DNAH5: variants seen among roughly 807,000 people sequenced by gnomAD.
DNAH5 encodes the protein axonemal beta dynein heavy chain 5.
In DNAH5, 372 loss-of-function variants were observed where a neutral mutation model predicts 518.2. The observed-to-expected ratio is 0.72, with a 90% CI of 0.66 to 0.78. The LOEUF is 0.78. Among genes scored for constraint, DNAH5 ranks in the 30% least tolerant of loss-of-function variants. The probability of loss-of-function intolerance (pLI) is 0.00; values close to 1 mark genes in which losing one functional copy is unlikely to be tolerated. For synonymous variants in DNAH5, 2,039 were observed against 2,025.9 expected (o/e 1.01, Z -0.17); for missense variants, 5,523 against 5,687.0 (o/e 0.97, Z 0.93).
intron 1 of DNAH5, among the ~76,000 whole-genome samples, chr5:13,963,273 A>G (rs1376547721): frequency 6.6e-6 from 1 of 152,144 alleles, no homozygotes; most frequent in East Asian, 1.9e-4. Context: ...AAATCATTAC[A>G]TTCCTTAAAA....
chr5:13,717,571 T>C, intron 72 of DNAH5, 51 bp from the exon 73 acceptor site: 1 of 1,384,628 alleles, frequency 7.2e-7, no homozygotes, highest in Non-Finnish European at 1.0e-6. Flanking sequence ...ATGTCTTTAT[T>C]TTCTACTACT....
intron 68 of DNAH5, among the ~76,000 whole-genome samples, chr5:13,734,067 A>T (rs1746996874): frequency 6.6e-6 from 1 of 152,132 alleles, no homozygotes; most frequent in South Asian, 2.1e-4. Context: ...AGGTGAGGCC[A>T]TTGAGACATA....
rs148876125 is a variant in DNAH5 at position 13,741,419 on chromosome 5, G to C, written c.11212-3924C>G. ...AGATGTAGCAACTCAAGCAAAACTT[G>C]CTCTTATCATCTTTGTTTCCATCTG... On this transcript the variant is annotated intron_variant, in intron 65 of 78. Coordinates refer to ENST00000265104, the MANE Select transcript of DNAH5 (RefSeq NM_001369.3). Among the ~76,000 whole-genome samples the C allele has an allele frequency of 5.8e-3, 886 of 152,184 alleles. 7 individuals carry two copies. The highest frequency in any genetic ancestry group is 0.02 in the African/African-American group (836 of 41,512).
intron 1 of DNAH5, among the ~76,000 whole-genome samples, chr5:13,954,100 T>C (rs1780609290): frequency 6.6e-6 from 1 of 152,226 alleles, no homozygotes; most frequent in South Asian, 2.1e-4. Context: ...GAAAAGTAAG[T>C]CCATATTTTA....
chr5:13,796,043 C>T (rs1087776), intron 47 of DNAH5, among the ~76,000 whole-genome samples: 56,885 of 152,016 alleles, frequency 0.37, 10,824 homozygotes, highest in Middle Eastern at 0.47. Flanking sequence ...ATTGATGGAA[C>T]GTATCTCAAA....
rs981267400 is a variant in DNAH5, at chr5:13,871,562, A to G, written c.3598+2T>C. On this transcript the variant is annotated splice_donor_variant, in intron 23 of 78. Coordinates refer to ENST00000265104, the MANE Select transcript of DNAH5 (RefSeq NM_001369.3). LOFTEE classifies it high-confidence loss of function. The stretch of plus-strand genomic sequence containing the variant: ...TAACTATATGAAAGAAAATGAACCA[A>G]CCTGTGTACAGAGCAATGGAACCCA... The G allele has an allele frequency of 3.1e-5, 50 of 1,611,722 alleles. No homozygotes were observed. Among genetic ancestry groups the G allele is most frequent in the Non-Finnish European group, 4.0e-5 (47 of 1,177,958 alleles).
intron 59 of DNAH5, 88 bp from the exon 60 acceptor site, chr5:13,762,989 T>G: frequency 8.9e-7 from 1 of 1,120,830 alleles, no homozygotes; most frequent in Non-Finnish European, 1.3e-6. Flanking sequence ...CTGAAACTAC[T>G]GAACGACCAC....
chr5:13,762,006 T>C (rs1057471965), intron 60 of DNAH5, among the ~76,000 whole-genome samples: 6 of 152,222 alleles, frequency 3.9e-5, no homozygotes, highest in Admixed American at 6.5e-5. Context: ...TTAAGAGAGA[T>C]GAGACTCATA....
chr5:13,823,844 C>T (rs1458546537), intron 39 of DNAH5, among the ~76,000 whole-genome samples: 1 of 152,198 alleles, frequency 6.6e-6, no homozygotes, highest in African/African-American at 2.4e-5. Context: ...TAGTGTGAAA[C>T]TATCACACAC....
chr5:13,931,369 G>T, intron 1 of DNAH5, 125 bp from the exon 2 acceptor site: 2 of 1,032,636 alleles, frequency 1.9e-6, no homozygotes, highest in Non-Finnish European at 2.9e-6. Flanking sequence ...CAGCTTAATG[G>T]TACCAATTTT....
intron 1 of DNAH5, among the ~76,000 whole-genome samples, chr5:14,009,725 C>A (rs1010221748): frequency 3.9e-5 from 6 of 152,206 alleles, no homozygotes; most frequent in Non-Finnish European, 7.3e-5. Context: ...TTACCACCTT[C>A]CACCATACTT....
chr5:13,862,645 T>C lies in DNAH5; in HGVS notation c.4699A>G (p.Thr1567Ala). Reference sequence around the variant, plus strand: ...CCTCTCAAGAGGAGCTCTCCACGGGTTTTAAAGCTGCCGAAGGTGAATGTT... The same window carrying C: ...CCTCTCAAGAGGAGCTCTCCACGGGCTTTAAAGCTGCCGAAGGTGAATGTT... ...NKTFTFGSFK[T>A]RGELLLRGDS... The change falls in exon 29 of 79, where the codon ACC (threonine) becomes GCC (alanine). Residue 1567 changes from threonine (T) to alanine (A), a missense_variant. Physicochemically the swap from Thr to Ala is moderately conservative, Grantham distance 58. Coordinates refer to ENST00000265104, the MANE Select transcript of DNAH5 (RefSeq NM_001369.3). 1 of 1,613,928 alleles carries C rather than the reference T, an allele frequency of 6.2e-7. No homozygotes were observed. The highest frequency in any genetic ancestry group is 8.5e-7 in the Non-Finnish European group (1 of 1,179,930).
rs886580541 is a variant in DNAH5 at position 14,000,341 on chromosome 5, G to A, written c.12+11307C>T. Among the ~76,000 whole-genome samples, 7 of 152,330 alleles carry A rather than the reference G, an allele frequency of 4.6e-5. No individual in the cohort carries two copies. The South Asian group carries it at 8.3e-4, about 18-fold the overall frequency. ...GGAGCAAGGCCCGGAAAAAGCCTTCGGAGTGAGCACGGCCCTTGCCAACAC... is the reference window on the plus strand; with the variant it reads ...GGAGCAAGGCCCGGAAAAAGCCTTCAGAGTGAGCACGGCCCTTGCCAACAC... On this transcript the variant is annotated intron_variant, in intron 1 of 78. Coordinates refer to the DNAH5 transcript ENST00000681290.
intron 3 of DNAH5, among the ~76,000 whole-genome samples, chr5:13,924,222 T>G (rs1284157032): frequency 6.6e-6 from 1 of 152,174 alleles, no homozygotes; most frequent in Non-Finnish European, 1.5e-5. Flanking sequence ...ACTGCTGCAG[T>G]CAGGGTCTTG....
chr5:13,820,587 G>A, intron 40 of DNAH5, 88 bp from the exon 41 acceptor site: 1 of 1,454,104 alleles, frequency 6.9e-7, no homozygotes, highest in Non-Finnish European at 9.5e-7. Flanking sequence ...CAATTTGGGA[G>A]GCCGAGGCGG....
Position 13,811,770 on chromosome 5 carries a change from G to A in DNAH5, c.7284C>T (p.Tyr2428=), listed in dbSNP as rs1448008542. The A allele has an allele frequency of 1.2e-6, 2 of 1,614,128 alleles. No individual in the cohort carries two copies. The highest frequency in any genetic ancestry group is 2.2e-5 in the East Asian group (1 of 44,866). Residue 2428 remains tyrosine, a synonymous_variant, in exon 44 of 79, where the codon TAC becomes TAT. Coordinates refer to ENST00000265104, the MANE Select transcript of DNAH5 (RefSeq NM_001369.3). ...GATACAAGTCTGGGAAAGACTCGGTGTACAGCTGACGAAGAATTTCTGCTT... is the reference window on the plus strand; with the variant it reads ...GATACAAGTCTGGGAAAGACTCGGTATACAGCTGACGAAGAATTTCTGCTT... ...PQEAEILRQL[Y]TESFPDLYRF...
At chr5:14,007,626 G>T (rs1328976478) in intron 1 of DNAH5, among the ~76,000 whole-genome samples, 2 of 152,170 alleles carry the variant, frequency 1.3e-5, no homozygotes, top group African/African-American at 2.4e-5. Context: ...ATAAGCTTTG[G>T]ACAGATTCCT....
At chr5:13,893,960 A>G (rs1394083749) in intron 16 of DNAH5, among the ~76,000 whole-genome samples, 1 of 151,744 alleles carries the variant, frequency 6.6e-6, no homozygotes, top group Non-Finnish European at 1.5e-5. Flanking sequence ...ACTGTGCTAC[A>G]CTGTCTGCCA....
chr5:14,004,531 A>G (rs1475424740), intron 1 of DNAH5, among the ~76,000 whole-genome samples: 1 of 152,200 alleles, frequency 6.6e-6, no homozygotes, highest in Non-Finnish European at 1.5e-5. Context: ...TCAATACCCA[A>G]TGGCAGCAGC....
Sources: gnomAD v4.1 joint callset for allele counts (sites outside exome capture counted in the v4.1 genomes callset) on GRCh38, gnomAD v4.1.1 for gene constraint, MANE v1.5 for transcripts, NCBI Gene and HGNC (gene_info 2026-07-23, HGNC 2026-07-21) for gene names.